Variants in DENND6A observed in about 807,000 individuals in gnomAD.
DENND6A encodes protein DENND6A.
Under a neutral mutation model 95.5 loss-of-function variants are expected in DENND6A, and 43 were observed. The ratio of observed to expected loss-of-function variants is 0.45; its 90% CI spans 0.35 to 0.58. DENND6A has a LOEUF of 0.58. DENND6A is among the 20% of genes least tolerant of loss of function. The pLI is 0.00. For synonymous variants in DENND6A, 257 were observed against 260.4 expected, an observed-to-expected ratio of 0.99 and a Z score of 0.13; for missense variants, 574 against 736.0, an observed-to-expected ratio of 0.78 and a Z score of 2.55.
chr3:57,692,736 C>G (rs1363048673), intron 1 of DENND6A, 46 bp downstream of exon 1: 4 of 1,383,414 alleles, frequency 2.9e-6, no homozygotes, highest in Non-Finnish European at 3.7e-6. Context: ...TGCAGCCGCC[C>G]CGGCGCAGGG....
chr3:57,663,481 A>T (rs1260614242), intron 5 of DENND6A, among the ~76,000 whole-genome samples, 155 bp downstream of exon 5: 45 of 120,034 alleles, frequency 3.7e-4, no homozygotes, highest in African/African-American at 1.7e-3. Flanking sequence ...AAAAAAAAAA[A>T]AAAAAAATAT....
chr3:57,676,507 T>C (rs544026008), intron 1 of DENND6A, among the ~76,000 whole-genome samples: 7 of 152,068 alleles, frequency 4.6e-5, no homozygotes, highest in Non-Finnish European at 8.8e-5. Flanking sequence ...GGAGATGTTA[T>C]ATGGCGCAGA....
chr3:57,662,934 C>T (rs1358979656), intron 5 of DENND6A, among the ~76,000 whole-genome samples: 3 of 149,306 alleles, frequency 2.0e-5, no homozygotes, highest in African/African-American at 7.4e-5. Context: ...GCCTGGCCAA[C>T]ATGGTGAGAC....
At chr3:57,654,966 T>C (rs530844059) in intron 9 of DENND6A, 6 of 232,546 alleles carry the variant, frequency 2.6e-5, no homozygotes, top group Non-Finnish European at 4.2e-5. Flanking sequence ...TATTAAATGC[T>C]TGATATAATA....
intron 14 of DENND6A, among the ~76,000 whole-genome samples, chr3:57,633,903 A>G (rs2070738504): frequency 6.6e-6 from 1 of 152,004 alleles, no homozygotes; most frequent in African/African-American, 2.4e-5. Context: ...AAAAAAAAAA[A>G]GTGAGTTCAC....
At chr3:57,674,165 G>A (rs1028963463) in intron 1 of DENND6A, among the ~76,000 whole-genome samples, 37 of 152,020 alleles carry the variant, frequency 2.4e-4, no homozygotes, top group Middle Eastern at 6.8e-3. Context: ...GGAGGATCAC[G>A]AGGGCAGGAG....
chr3:57,651,689 CAA>C (rs370393395), intron 9 of DENND6A, among the ~76,000 whole-genome samples: 1 of 137,862 alleles, frequency 7.3e-6, no homozygotes, highest in African/African-American at 2.7e-5. Flanking sequence ...ATTTAATTAC[CAA>C]AAAAAAAAAA....
chr3:57,668,577 T>A (rs1575852805), intron 3 of DENND6A, among the ~76,000 whole-genome samples: 1 of 152,130 alleles, frequency 6.6e-6, no homozygotes, highest in South Asian at 2.1e-4. Context: ...ATAAAAGCCA[T>A]TCAAATGAAA....
At chr3:57,642,080 T>C (rs1309881047) in intron 11 of DENND6A, among the ~76,000 whole-genome samples, 1 of 151,956 alleles carries the variant, frequency 6.6e-6, no homozygotes, top group Non-Finnish European at 1.5e-5. Flanking sequence ...TTTCGGAGGC[T>C]GAGGCGGGCA....
intron 5 of DENND6A, 47 bp from the exon 6 acceptor site, chr3:57,661,598 AT>A: frequency 7.0e-7 from 1 of 1,418,926 alleles, no homozygotes; most frequent in Admixed American, 2.6e-5. Flanking sequence ...TTTGTCATTC[AT>A]TTCTTGCATA....
rs180893988 is a variant in DENND6A at position 57,670,941 on chromosome 3, C to T, written c.319+1315G>A. ...ACAGATTTTATAAGAAAAATGTTAACTGAAATGAAGATACATTCCTACAAG... is the reference window on the plus strand; with the variant it reads ...ACAGATTTTATAAGAAAAATGTTAATTGAAATGAAGATACATTCCTACAAG... On this transcript the variant is annotated intron_variant, in intron 3 of 19. Coordinates refer to ENST00000311128, the MANE Select transcript of DENND6A (RefSeq NM_152678.3). 3.5e-4 allele frequency among the ~76,000 whole-genome samples: 53 copies of T among 152,272 alleles called. No individual in the cohort carries two copies. In the East Asian group the frequency reaches 9.6e-3, roughly 28 times the overall value.
chr3:57,686,415 C>T (rs895443958), intron 1 of DENND6A, among the ~76,000 whole-genome samples: 4 of 152,146 alleles, frequency 2.6e-5, no homozygotes, highest in African/African-American at 9.7e-5. Context: ...TACCATTCTT[C>T]CTTCTCCTTT....
At chr3:57,648,925 C>T (rs938011909) in intron 9 of DENND6A, among the ~76,000 whole-genome samples, 5 of 152,212 alleles carry the variant, frequency 3.3e-5, no homozygotes, top group African/African-American at 1.2e-4. Flanking sequence ...TAGAAGATAA[C>T]ATTGGAAAAA....
At chr3:57,679,367 T>G in intron 1 of DENND6A, 1 of 358,560 alleles carries the variant, frequency 2.8e-6, no homozygotes, top group Non-Finnish European at 3.9e-6. Flanking sequence ...TTTTTCATTG[T>G]TGTTGTTACT....
At chr3:57,662,185 CTTTTT>C (rs60063768) in intron 5 of DENND6A, among the ~76,000 whole-genome samples, 113 of 79,148 alleles carry the variant, frequency 1.4e-3, no homozygotes, top group Middle Eastern at 0.014. Context: ...TTTCTTTTTT[CTTTTT>C]TTTTTTTTTT....
intron 12 of DENND6A, among the ~76,000 whole-genome samples, chr3:57,637,904 G>C (rs539547331): frequency 2.0e-5 from 3 of 152,060 alleles, no homozygotes; most frequent in African/African-American, 7.2e-5. Flanking sequence ...GGGAGGCTGA[G>C]GTGAGTGGAT....
intron 12 of DENND6A, among the ~76,000 whole-genome samples, chr3:57,635,478 C>A (rs892162745): frequency 1.3e-5 from 2 of 152,062 alleles, no homozygotes; most frequent in African/African-American, 4.8e-5. Context: ...ATGAACAAAC[C>A]TAATTTCAAA....
intron 12 of DENND6A, among the ~76,000 whole-genome samples, chr3:57,635,236 C>A (rs1474812537): frequency 1.4e-5 from 2 of 146,600 alleles, no homozygotes; most frequent in Admixed American, 1.3e-4. Context: ...GTTTTTGATG[C>A]CTCCTCAAAT....
chr3:57,683,713 G>C (rs916404475), intron 1 of DENND6A, among the ~76,000 whole-genome samples: 1 of 152,164 alleles, frequency 6.6e-6, no homozygotes, highest in Non-Finnish European at 1.5e-5. Flanking sequence ...GCTACCGCTA[G>C]CATTTCACAT....
Sources: gnomAD v4.1 joint callset for allele counts (sites outside exome capture counted in the v4.1 genomes callset) on GRCh38, gnomAD v4.1.1 for gene constraint, MANE v1.5 for transcripts, NCBI Gene and HGNC (gene_info 2026-07-23, HGNC 2026-07-21) for gene names.